The following CACNA1H variants were observed in gnomAD, a reference collection of about 807,000 sequenced individuals.
CACNA1H encodes the protein calcium voltage-gated channel subunit alpha1 H.
A neutral mutation model predicts 192.5 loss-of-function variants in CACNA1H; 149 were observed. The ratio of observed to expected loss-of-function variants is 0.77; its 90% CI spans 0.68 to 0.89. The LOEUF (loss-of-function observed/expected upper bound fraction) is 0.89. Ranked by LOEUF, CACNA1H falls within the 40% of genes least tolerant of loss-of-function variation. The pLI, the probability that CACNA1H is intolerant of heterozygous loss-of-function variation, is 0.00. For missense variants in CACNA1H, 4,257 were observed against 3,423.5 expected, an observed-to-expected ratio of 1.24 and a Z score of -6.08; for synonymous variants, 2,202 against 1,475.2, an observed-to-expected ratio of 1.49 and a Z score of -11.29.
chr16:1,220,248 AG>A lies in CACNA1H; in HGVS notation c.6317del (p.Ser2106ThrfsTer82). On this transcript the variant is annotated frameshift_variant, in exon 35 of 35. Transcript: ENST00000348261. LOFTEE classifies it low-confidence loss of function (END_TRUNC). ...PADEEVSHIT[S>X]SACPWQPTAE... Reference sequence around the variant, plus strand: ...CGACGAGGAGGTCAGCCACATCACCAGCTCCGCCTGCCCCTGGCAGCCCACA... The same window carrying A: ...CGACGAGGAGGTCAGCCACATCACCACTCCGCCTGCCCCTGGCAGCCCACA... The A allele has an allele frequency of 6.3e-7, 1 of 1,584,610 alleles. No individual in the cohort carries two copies. Among genetic ancestry groups the A allele is most frequent in the South Asian group, 1.1e-5 (1 of 89,102 alleles).
At chr16:1,195,405 G>T in intron 3 of CACNA1H, 27 bp from the exon 4 acceptor site, 4 of 1,550,426 alleles carry the variant, frequency 2.6e-6, no homozygotes, top group Non-Finnish European at 3.5e-6. Context: ...GCTGTTCCAC[G>T]GGCCCTCCTG....
chr16:1,207,394 G>A lies in CACNA1H; in HGVS notation c.3027G>A (p.Leu1009=), dbSNP rs1232658496. ...MTFGNYVLFN[L]LVAILVEGFQ... The stretch of plus-strand genomic sequence containing the variant: ...TCGGCAACTATGTGCTCTTCAACCT[G>A]CTGGTGGCCATCCTCGTGGAGGGCT... The change falls in exon 14 of 35, where the codon CTG becomes CTA. Residue 1009 remains leucine (L), a synonymous_variant. Coordinates refer to ENST00000348261, the MANE Select transcript of CACNA1H (RefSeq NM_021098.3). The A allele has an allele frequency of 3.7e-6, 6 of 1,613,270 alleles. No individual in the cohort carries two copies. Among genetic ancestry groups the A allele is most frequent in the Middle Eastern group, 1.7e-4 (1 of 6,060 alleles).
intron 2 of CACNA1H, among the ~76,000 whole-genome samples, chr16:1,173,411 A>G (rs945023993): frequency 1.3e-5 from 2 of 152,182 alleles, no homozygotes; most frequent in African/African-American, 4.8e-5. Context: ...GGGCCCCTTC[A>G]CGCTGGTGCG....
intron 2 of CACNA1H, among the ~76,000 whole-genome samples, chr16:1,154,617 C>T (rs1318297540): frequency 1.3e-5 from 2 of 152,086 alleles, no homozygotes; most frequent in African/African-American, 4.8e-5. Flanking sequence ...TGGCTGAACT[C>T]GGTGGCGGGG....
rs774661170 is a variant in CACNA1H, at chr16:1,209,330, T to C, written c.3662T>C (p.Val1221Ala). ...AAGTGCCGCGATCGCGACGGGCAGG[T>C]GGTGGCCCTGCCCAGCGACTTCTTC... is the stretch of plus-strand genomic sequence containing the variant. The part of the protein sequence containing the change: ...PTKCRDRDGQ[V>A]VALPSDFFLR... The change falls in exon 17 of 35, where the codon GTG becomes GCG. Residue 1221 changes from valine to alanine, a missense_variant. By Grantham distance (64) the Val-to-Ala change is moderately conservative. Coordinates refer to ENST00000348261, the MANE Select transcript of CACNA1H (RefSeq NM_021098.3). The C allele has an allele frequency of 1.1e-5, 17 of 1,597,606 alleles. No individual in the cohort carries two copies. The Admixed American group carries it at 1.8e-4, about 17-fold the overall frequency.
At chr16:1,206,763 TC>T in intron 12 of CACNA1H, 1 of 517,894 alleles carries the variant, frequency 1.9e-6, no homozygotes, top group East Asian at 3.2e-5. Flanking sequence ...CCTCTGTCTG[TC>T]CCGCCTCTGG....
chr16:1,169,474 C>T (rs1371497240), intron 2 of CACNA1H, among the ~76,000 whole-genome samples: 1 of 152,236 alleles, frequency 6.6e-6, no homozygotes, highest in Non-Finnish European at 1.5e-5. Context: ...GCGACGTTCC[C>T]CCAAGAAGCA....
At chr16:1,200,881 G>T in intron 8 of CACNA1H, 73 bp downstream of exon 8, 1 of 1,150,224 alleles carries the variant, frequency 8.7e-7, no homozygotes, top group Non-Finnish European at 1.3e-6. Context: ...GGGGTACCTG[G>T]GTGGTCATAG....
chr16:1,213,853 C>A lies in CACNA1H; in HGVS notation c.4851C>A (p.His1617Gln), dbSNP rs534178272. The change falls in exon 27 of 35, where the codon CAC becomes CAA. Residue 1617 changes from histidine (H) to glutamine (Q), a missense_variant. Coordinates refer to ENST00000348261, the MANE Select transcript of CACNA1H (RefSeq NM_021098.3). The part of the protein sequence containing the change: ...RRSIHSLCTS[H>Q]YLDLFITFII... ...CCATTCACTCGCTGTGCACCAGCCA[C>A]TATCTCGACCTCTTCATCACCTTCA... 11 of 1,608,764 alleles carry A rather than the reference C, an allele frequency of 6.8e-6. No homozygotes were observed. Among genetic ancestry groups the A allele is most frequent in the Middle Eastern group, 1.7e-4 (1 of 6,056 alleles).
chr16:1,178,082 T>TGCCCCCTCTCCCTGGGGCCTCCCCC (rs1230640430), intron 2 of CACNA1H, among the ~76,000 whole-genome samples: 1 of 57,212 alleles, frequency 1.7e-5, no homozygotes, highest in Admixed American at 2.3e-4. Flanking sequence ...TGGACTCTCC[T>TGCCCCCTCTCCCTGGGGCCTCCCCC]GCCCCCTCTC....
At position 1,180,117 on chromosome 16, in the gene CACNA1H, G is replaced by A. The variant is rs887515132; in HGVS notation, c.300-14855G>A. On this transcript the variant is annotated intron_variant, in intron 2 of 34. Coordinates refer to ENST00000348261, the MANE Select transcript of CACNA1H (RefSeq NM_021098.3). This position sits in a 1 kb window ranked among gnomAD's most constrained non-coding sequence, Gnocchi z 4.4. ...TGCAGGCACAGGGCTGAGGGGCGTCGTGTGGATGGACGGCCAGCCCGTTGG... is the reference window on the plus strand; with the variant it reads ...TGCAGGCACAGGGCTGAGGGGCGTCATGTGGATGGACGGCCAGCCCGTTGG... 1.3e-5 allele frequency among the ~76,000 whole-genome samples: 2 copies of A among 152,204 alleles called. No homozygotes were observed. The highest frequency in any genetic ancestry group is 4.8e-5 in the African/African-American group (2 of 41,450).
rs58142268 is a variant in CACNA1H, at chr16:1,195,518, C to A, written c.498C>A (p.Tyr166Ter). 1 of 1,604,258 alleles carries A rather than the reference C, an allele frequency of 6.2e-7. No homozygotes were observed. The highest frequency in any genetic ancestry group is 1.3e-5 in the African/African-American group (1 of 74,748). The change falls in exon 4 of 35, where the codon TAC becomes TAA. Residue 166 changes from tyrosine (Y) to a stop codon, truncating the protein, a stop_gained. Coordinates refer to ENST00000348261, the MANE Select transcript of CACNA1H (RefSeq NM_021098.3). LOFTEE classifies it high-confidence loss of function. ...VALGLFGQKC[Y>*]LGDTWNRLDF... is the part of the protein sequence containing the mutation. ...TGGGGCTGTTCGGGCAGAAGTGTTACCTGGGTGACACGTGGAACAGGCTGG... is the reference window on the plus strand; with the variant it reads ...TGGGGCTGTTCGGGCAGAAGTGTTAACTGGGTGACACGTGGAACAGGCTGG...
At chr16:1,181,261 G>A (rs1965434829) in intron 2 of CACNA1H, among the ~76,000 whole-genome samples, 1 of 152,250 alleles carries the variant, frequency 6.6e-6, no homozygotes, top group Non-Finnish European at 1.5e-5. Flanking sequence ...TGAGGCCAGA[G>A]GAGAGGAGCT....
rs538226180 is a variant in CACNA1H, at chr16:1,216,300, G to A, written c.5245-632G>A. Among the ~76,000 whole-genome samples, 70 of 152,356 alleles carry A rather than the reference G, an allele frequency of 4.6e-4. 1 individual carries two copies. Among genetic ancestry groups the A allele is most frequent in the Non-Finnish European group, 1.0e-4 (7 of 68,036 alleles). On this transcript the variant is annotated intron_variant, in intron 30 of 34. Transcript: ENST00000348261. ...CAGCGGCGTGCCTAGCTTCGTCCAA[G>A]TAACACTCCCGAGGGCCAGGTACCA...
At chr16:1,182,239 G>A (rs551466083) in intron 2 of CACNA1H, among the ~76,000 whole-genome samples, 1 of 152,194 alleles carries the variant, frequency 6.6e-6, no homozygotes, top group African/African-American at 2.4e-5. Context: ...AGCCCACCTG[G>A]GTGCAGCCTG....
intron 2 of CACNA1H, among the ~76,000 whole-genome samples, chr16:1,165,503 G>A (rs1412291963): frequency 3.3e-5 from 5 of 152,086 alleles, no homozygotes; most frequent in South Asian, 4.1e-4. Context: ...ACTCACAGCC[G>A]GGGAGCTCCA....
chr16:1,206,913 T>TCCCCCCCCCCCCCCCCCCCCC, intron 12 of CACNA1H, 88 bp from the exon 13 acceptor site: 1 of 70,704 alleles, frequency 1.4e-5, no homozygotes, highest in Non-Finnish European at 2.7e-5. Flanking sequence ...TGCCCCTCCC[T>TCCCCCCCCCCCCCCCCCCCCC]CCTCCCACCC....
chr16:1,153,462 C>G lies in CACNA1H; in HGVS notation c.-27C>G, dbSNP rs1961839152. 5.3e-6 allele frequency: 1 copy of G among 187,050 alleles called. No homozygotes were observed. The highest frequency in any genetic ancestry group is 2.4e-5 in the African/African-American group (1 of 41,580). The allele number at this position is 187,050 out of a possible 1,614,324, so 11.6% of individuals were successfully genotyped here. ...TGCCCGCGGGGACGCCGCCGGCCAGCAGAGCGAGGTGAGACGCGGCGAGGA... is the reference window on the plus strand; with the variant it reads ...TGCCCGCGGGGACGCCGCCGGCCAGGAGAGCGAGGTGAGACGCGGCGAGGA... On this transcript the variant is annotated 5_prime_UTR_variant, in exon 1 of 35. Coordinates refer to ENST00000348261, the MANE Select transcript of CACNA1H (RefSeq NM_021098.3).
In CACNA1H at chr16:1,210,479, G is replaced by A. The variant is rs769040448; in HGVS notation, c.3955G>A (p.Asp1319Asn). ...CATCGCCCTGGAGAGGCCTGACATT[G>A]ATCCCGGCAGCACCGTGAGTCAGCC... ...VTIALERPDI[D>N]PGSTERVFLS... The change falls in exon 19 of 35, where the codon GAT becomes AAT. Residue 1319 changes from aspartate (D) to asparagine (N), a missense_variant. By Grantham distance (23) the Asp-to-Asn change is conservative. Transcript: ENST00000348261. 1 of 1,611,968 alleles carries A rather than the reference G, an allele frequency of 6.2e-7. No homozygotes were observed.
Sources: gnomAD v4.1 joint callset for allele counts (sites outside exome capture counted in the v4.1 genomes callset) on GRCh38, gnomAD v4.1.1 for gene constraint, Gnocchi (gnomAD v3.1) non-coding constraint, MANE v1.5 for transcripts, NCBI Gene and HGNC (gene_info 2026-07-23, HGNC 2026-07-21) for gene names.